The following VAV2 variants were observed in gnomAD, a reference collection of about 807,000 sequenced individuals.
VAV2 encodes vav guanine nucleotide exchange factor 2.
Under a neutral mutation model 132.5 loss-of-function variants are expected in VAV2, and 67 were observed. The ratio of observed to expected loss-of-function variants is 0.51; its 90% CI spans 0.42 to 0.62. The LOEUF (loss-of-function observed/expected upper bound fraction) is 0.62. Ranked by LOEUF, VAV2 falls within the 20% of genes least tolerant of loss-of-function variation. The pLI, the probability that VAV2 is intolerant of heterozygous loss-of-function variation, is 0.00. For synonymous variants in VAV2, 492 were observed against 443.5 expected (o/e 1.11, Z -1.37); for missense variants, 938 against 1,153.6 (o/e 0.81, Z 2.71).
At position 133,969,536 on chromosome 9, in the gene VAV2, C is replaced by T. The variant is rs1842257547; in HGVS notation, c.204+22539G>A. Among the ~76,000 whole-genome samples the T allele has an allele frequency of 1.3e-5, 2 of 152,050 alleles. No individual in the cohort carries two copies. Among genetic ancestry groups the T allele is most frequent in the Admixed American group, 6.5e-5 (1 of 15,274 alleles). ...CCTCAGGGGTGGAGCTGAAACACCC[C>T]AACCCTGACCAGAGCGGATTCCAGG... On this transcript the variant is annotated intron_variant, in intron 1 of 29. Coordinates refer to ENST00000371850, the MANE Select transcript of VAV2 (RefSeq NM_001134398.2). The surrounding 1 kb of genome is among the most constrained non-coding windows in gnomAD (Gnocchi z 5.1).
rs997173287 is a variant in VAV2, at chr9:133,879,855, A to C, written c.322-18423T>G. On this transcript the variant is annotated intron_variant, in intron 2 of 29. Transcript: ENST00000371850. This position sits in a 1 kb window ranked among gnomAD's most constrained non-coding sequence, Gnocchi z 4.4. ...AACAGATGGAAACCGGCCGCAGACG[A>C]AGCTCTGGCATCCAGATTTGCTTCC... 8.5e-5 allele frequency among the ~76,000 whole-genome samples: 13 copies of C among 152,256 alleles called. No individual in the cohort carries two copies. Among genetic ancestry groups the C allele is most frequent in the African/African-American group, 2.9e-4 (12 of 41,472 alleles).
intron 3 of VAV2, among the ~76,000 whole-genome samples, chr9:133,839,729 G>A (rs1160982137): frequency 2.0e-5 from 3 of 152,154 alleles, no homozygotes; most frequent in Admixed American, 6.5e-5. Flanking sequence ...GATTACAGGC[G>A]TGAGCCACCA....
intron 2 of VAV2, among the ~76,000 whole-genome samples, chr9:133,901,078 G>A (rs1188118500): frequency 6.6e-6 from 1 of 152,082 alleles, no homozygotes; most frequent in Non-Finnish European, 1.5e-5. Flanking sequence ...GATATCATAG[G>A]CATGAGCCAC....
At chr9:133,846,642 C>T (rs1333302297) in intron 3 of VAV2, among the ~76,000 whole-genome samples, 3 of 152,204 alleles carry the variant, frequency 2.0e-5, no homozygotes, top group Non-Finnish European at 4.4e-5. Flanking sequence ...TGTCCCAGAC[C>T]TCCCCATGGC....
intron 2 of VAV2, among the ~76,000 whole-genome samples, chr9:133,862,968 A>C (rs1396481339): frequency 6.6e-6 from 1 of 152,218 alleles, no homozygotes; most frequent in Non-Finnish European, 1.5e-5. Flanking sequence ...ACCGGCGCTC[A>C]GGGAAGCTGG....
chr9:133,784,527 C>A, intron 17 of VAV2, 109 bp from the exon 18 acceptor site: 1 of 1,208,164 alleles, frequency 8.3e-7, no homozygotes, highest in Non-Finnish European at 1.2e-6. Context: ...GTGCAGAATC[C>A]GAGAGGGCCT....
intron 12 of VAV2, 23 bp from the exon 13 acceptor site, chr9:133,791,892 G>C: frequency 6.2e-7 from 1 of 1,605,916 alleles, no homozygotes; most frequent in East Asian, 2.2e-5. Context: ...AGGCAGAGGT[G>C]AGCGGGCTGT....
At chr9:133,829,142 G>A (rs1836166233) in intron 4 of VAV2, among the ~76,000 whole-genome samples, 1 of 152,254 alleles carries the variant, frequency 6.6e-6, no homozygotes, top group South Asian at 2.1e-4. Context: ...GGGAAGCGCA[G>A]TGCCTGCCAA....
intron 1 of VAV2, among the ~76,000 whole-genome samples, chr9:133,972,737 C>G (rs1339406574): frequency 6.6e-6 from 1 of 152,164 alleles, no homozygotes; most frequent in Non-Finnish European, 1.5e-5. Context: ...CTGCAGACAC[C>G]CGCCCAAGCC....
intron 2 of VAV2, among the ~76,000 whole-genome samples, chr9:133,897,077 G>C (rs950149545): frequency 6.6e-6 from 1 of 152,148 alleles, no homozygotes; most frequent in Non-Finnish European, 1.5e-5. Flanking sequence ...CTGGGCGACA[G>C]AGCGAGACTC....
intron 2 of VAV2, among the ~76,000 whole-genome samples, chr9:133,862,895 G>A (rs985233615): frequency 3.9e-5 from 6 of 152,212 alleles, no homozygotes; most frequent in African/African-American, 1.2e-4. Flanking sequence ...CCATAGAGAC[G>A]GCGGGTTCGA....
chr9:133,897,957 G>A lies in VAV2; in HGVS notation c.322-36525C>T, dbSNP rs1039988876. Reference sequence around the variant, plus strand: ...CCACCAACTTCAGAAAACCTGTGAAGGCAGAGACAGGCAGCTGGCTTGCTG... The same window carrying A: ...CCACCAACTTCAGAAAACCTGTGAAAGCAGAGACAGGCAGCTGGCTTGCTG... On this transcript the variant is annotated intron_variant, in intron 2 of 29. Transcript: ENST00000371850. 1.2e-4 allele frequency among the ~76,000 whole-genome samples: 18 copies of A among 152,082 alleles called. 1 individual carries two copies. The highest frequency in any genetic ancestry group is 4.4e-4 in the African/African-American group (18 of 41,352).
intron 20 of VAV2, 79 bp from the exon 21 acceptor site, chr9:133,780,018 C>T: frequency 1.3e-6 from 2 of 1,582,324 alleles, no homozygotes; most frequent in African/African-American, 1.3e-5. Context: ...GCACCCCGCC[C>T]TCCCTGTCCC....
At chr9:133,837,497 G>C (rs1177998328) in intron 3 of VAV2, among the ~76,000 whole-genome samples, 1 of 152,118 alleles carries the variant, frequency 6.6e-6, no homozygotes, top group Non-Finnish European at 1.5e-5. Context: ...AGAAGTTCGA[G>C]ACCAACCTGA....
At chr9:133,764,141 TG>T (rs774018223) in intron 29 of VAV2, 32 bp from the exon 30 acceptor site, 34 of 1,608,612 alleles carry the variant, frequency 2.1e-5, no homozygotes, top group Non-Finnish European at 2.8e-5. Context: ...TGTCTGTGTG[TG>T]TGTGTGTGTG....
At chr9:133,825,397 A>C (rs1431918275) in intron 4 of VAV2, among the ~76,000 whole-genome samples, 1 of 151,828 alleles carries the variant, frequency 6.6e-6, no homozygotes, top group East Asian at 1.9e-4. Flanking sequence ...CAGGCTTTGC[A>C]TGTGCCTGGG....
intron 2 of VAV2, among the ~76,000 whole-genome samples, chr9:133,874,616 C>T (rs1056553049): frequency 6.6e-6 from 1 of 152,164 alleles, no homozygotes; most frequent in African/African-American, 2.4e-5. Flanking sequence ...GGGAACAGCA[C>T]CTCAAGGGCA....
At chr9:133,949,597 C>T (rs1161761895) in intron 1 of VAV2, among the ~76,000 whole-genome samples, 3 of 152,216 alleles carry the variant, frequency 2.0e-5, no homozygotes. Flanking sequence ...GCTCACCACA[C>T]TCCAGGCAAT....
chr9:133,795,392 A>G (rs555008649), intron 12 of VAV2, among the ~76,000 whole-genome samples: 1 of 152,222 alleles, frequency 6.6e-6, no homozygotes, highest in African/African-American at 2.4e-5. Context: ...CTGGGGGAAA[A>G]GCAGGGGGAG....
Sources: gnomAD v4.1 joint callset for allele counts (sites outside exome capture counted in the v4.1 genomes callset) on GRCh38, gnomAD v4.1.1 for gene constraint, Gnocchi (gnomAD v3.1) non-coding constraint, MANE v1.5 for transcripts, NCBI Gene and HGNC (gene_info 2026-07-23, HGNC 2026-07-21) for gene names.